Variants in AMN observed in about 807,000 individuals in gnomAD.
The protein encoded by AMN is protein amnionless.
AMN carries 40 observed loss-of-function variants against 49.1 expected under a neutral mutation model. That is an observed-to-expected ratio of 0.81 (90% CI 0.63 to 1.06). The LOEUF (loss-of-function observed/expected upper bound fraction) is 1.06. AMN is among the 50% of genes least tolerant of loss of function. The pLI is 0.00. For missense variants in AMN, 701 were observed against 662.8 expected (o/e 1.06, Z -0.63); for synonymous variants, 380 against 313.3 (o/e 1.21, Z -2.25).
At chr14:102,924,222 C>T (rs1891136752) in intron 3 of AMN, among the ~76,000 whole-genome samples, 1 of 151,676 alleles carries the variant, frequency 6.6e-6, no homozygotes, top group Non-Finnish European at 1.5e-5. Context: ...CCCCACAGCC[C>T]TTGTGATGCC....
In AMN at chr14:102,923,714, T is replaced by A. The variant is rs754501107; in HGVS notation, c.47T>A (p.Leu16Gln). ...RVLLWLQLCALTQAVSKLWVP... is the reference protein window; with the variant it reads ...RVLLWLQLCAQTQAVSKLWVP... ...CACTCAGTCGCCTCCTCCCCAGCAC[T>A]GACCCAGGCGGTCTCCAAACTCTGG... is the stretch of plus-strand genomic sequence containing the variant. Residue 16 changes from leucine to glutamine, a missense_variant, in exon 2 of 12, where the codon CTG (leucine) becomes CAG (glutamine). Coordinates refer to ENST00000299155, the MANE Select transcript of AMN (RefSeq NM_030943.4). The A allele has an allele frequency of 1.2e-6, 2 of 1,612,496 alleles. No individual in the cohort carries two copies. Among genetic ancestry groups the A allele is most frequent in the Non-Finnish European group, 1.7e-6 (2 of 1,179,598 alleles).
intron 3 of AMN, among the ~76,000 whole-genome samples, chr14:102,926,029 G>A (rs1260583887): frequency 6.6e-6 from 1 of 152,140 alleles, no homozygotes; most frequent in Non-Finnish European, 1.5e-5. Flanking sequence ...CCTTTTGCCT[G>A]CTTTCTTGTT....
chr14:102,923,910 CG>C, intron 2 of AMN, 24 bp from the exon 3 acceptor site: 1 of 1,613,018 alleles, frequency 6.2e-7, no homozygotes. Context: ...GCTCCCGGCT[CG>C]GCTGAGGCAG....
chr14:102,923,932 CAGATGGTGT>C lies in AMN; in HGVS notation c.163-2_169del. ...GCTCGGCTGAGGCAGCTTCTTCCTG[CAGATGGTGT>C]CAGTCCTGGTGCAAGAAGGTCACGC... On this transcript the variant is annotated splice_acceptor_variant and coding_sequence_variant, in exon 3 of 12. Coordinates refer to ENST00000299155, the MANE Select transcript of AMN (RefSeq NM_030943.4). LOFTEE classifies it high-confidence loss of function. 1 of 1,613,184 alleles carries C rather than the reference CAGATGGTGT, an allele frequency of 6.2e-7. No individual in the cohort carries two copies. The highest frequency in any genetic ancestry group is 8.5e-7 in the Non-Finnish European group (1 of 1,180,024).
intron 11 of AMN, 33 bp from the exon 12 acceptor site, chr14:102,930,543 C>T: frequency 3.2e-6 from 5 of 1,547,954 alleles, no homozygotes; most frequent in Non-Finnish European, 4.4e-6. Context: ...CGGGACTCGG[C>T]GCCGACCGCC....
chr14:102,928,861 G>C lies in AMN; in HGVS notation c.399G>C (p.Glu133Asp). The change falls in exon 5 of 12, where the codon GAG (glutamate) becomes GAC (aspartate). Residue 133 changes from glutamate to aspartate, a missense_variant. Physicochemically the swap from Glu to Asp is conservative, Grantham distance 45. Coordinates refer to ENST00000299155, the MANE Select transcript of AMN (RefSeq NM_030943.4). ...EAPGLFFVDAERVPCRHDDVF... is the reference protein window; with the variant it reads ...EAPGLFFVDADRVPCRHDDVF... ...CTGGCCTCTTCTTCGTGGACGCCGAGCGCGTGCCCTGCCGCCACGACGACG... is the reference window on the plus strand; with the variant it reads ...CTGGCCTCTTCTTCGTGGACGCCGACCGCGTGCCCTGCCGCCACGACGACG... 1 of 1,604,626 alleles carries C rather than the reference G, an allele frequency of 6.2e-7. No homozygotes were observed. Among genetic ancestry groups the C allele is most frequent in the Non-Finnish European group, 8.5e-7 (1 of 1,179,788 alleles).
intron 1 of AMN, chr14:102,923,207 C>T (rs964274461): frequency 2.0e-5 from 5 of 251,108 alleles, no homozygotes; most frequent in African/African-American, 6.9e-5. Context: ...CAACCCCACC[C>T]ACCACATTCA....
chr14:102,922,784 C>T (rs1891086051), intron 1 of AMN, 53 bp downstream of exon 1: 4 of 1,548,550 alleles, frequency 2.6e-6, no homozygotes, highest in African/African-American at 1.4e-5. Context: ...CTGTCAGGAC[C>T]CAGGGCCGAG....
chr14:102,930,442 G>T lies in AMN; in HGVS notation c.1206G>T (p.Ala402=). 6.6e-7 allele frequency: 1 copy of T among 1,523,992 alleles called. No homozygotes were observed. The highest frequency in any genetic ancestry group is 2.5e-5 in the East Asian group (1 of 39,748). The allele number at this position is 1,523,992 out of a possible 1,614,324, so 94.4% of individuals were successfully genotyped here. A position where few individuals can be genotyped will look rare whatever the true frequency, so the allele number is the denominator to read the frequency against. ...ACGAGGCGGCGGCCCCGGCTGGAGCGCCCCTCGGCTTCCGCAACCCGGTGT... is the reference window on the plus strand; with the variant it reads ...ACGAGGCGGCGGCCCCGGCTGGAGCTCCCCTCGGCTTCCGCAACCCGGTGT... ...RRHEAAAPAG[A]PLGFRNPVFD... is the part of the protein sequence containing the mutation. Residue 402 remains alanine (A), a synonymous_variant, in exon 11 of 12, where the codon GCG becomes GCT. Coordinates refer to ENST00000299155, the MANE Select transcript of AMN (RefSeq NM_030943.4).
intron 3 of AMN, among the ~76,000 whole-genome samples, chr14:102,924,551 C>G (rs1175743318): frequency 1.3e-5 from 2 of 152,178 alleles, no homozygotes; most frequent in African/African-American, 4.8e-5. Flanking sequence ...ACAGCTTAAT[C>G]CTGAAACCTT....
chr14:102,925,352 G>A (rs1261467060), intron 3 of AMN, among the ~76,000 whole-genome samples: 1 of 152,202 alleles, frequency 6.6e-6, no homozygotes, highest in Non-Finnish European at 1.5e-5. Context: ...CCCCAGGGCC[G>A]CTTGGTTCCT....
At chr14:102,922,839 G>A in intron 1 of AMN, 108 bp downstream of exon 1, 1 of 1,453,406 alleles carries the variant, frequency 6.9e-7, no homozygotes. Context: ...GGAGTGGGCA[G>A]GGAGGGCTTT....
intron 3 of AMN, among the ~76,000 whole-genome samples, chr14:102,928,147 C>T (rs1470784631): frequency 6.6e-6 from 1 of 152,266 alleles, no homozygotes; most frequent in African/African-American, 2.4e-5. Flanking sequence ...TCTCGCTCCC[C>T]GGCTCCGGCT....
chr14:102,930,628 G>A lies in AMN; in HGVS notation c.1310G>A (p.Ser437Asn), dbSNP rs1190667294. 6 of 1,601,038 alleles carry A rather than the reference G, an allele frequency of 3.7e-6. No individual in the cohort carries two copies. Among genetic ancestry groups the A allele is most frequent in the Admixed American group, 1.7e-5 (1 of 58,820 alleles). The change falls in exon 12 of 12, where the codon AGC (serine) becomes AAC (asparagine). Residue 437 changes from serine to asparagine, a missense_variant. By Grantham distance (46) the Ser-to-Asn change is conservative. Transcript: ENST00000299155. ...CCGAAGGCGGCCGCAGACAGCACCA[G>A]CCACAGTTACTTCGTCAACCCTCTG... ...LVPKAAADST[S>N]HSYFVNPLFA... is the part of the protein sequence containing the mutation.
In AMN at chr14:102,928,749, C is replaced by T. The variant is rs373204347; in HGVS notation, c.296-9C>T. 1.2e-3 allele frequency: 1,951 copies of T among 1,605,570 alleles called. 30 individuals are homozygous for T. In the South Asian group the frequency reaches 0.015, roughly 13 times the overall value. On this transcript the variant is annotated splice_polypyrimidine_tract_variant and intron_variant, in intron 4 of 11. Transcript: ENST00000299155. ...GTTCCGTGGAGCTCAGGGATGTGCT[C>T]CGGCTCAGGCGAACCTGCCGTCTTC... is the stretch of plus-strand genomic sequence containing the variant.
At chr14:102,923,143 C>T in intron 1 of AMN, 1 of 238,952 alleles carries the variant, frequency 4.2e-6, no homozygotes. Flanking sequence ...TCACACCAGG[C>T]CGGCGCGTGT....
intron 8 of AMN, 81 bp downstream of exon 8, chr14:102,929,818 T>C: frequency 1.3e-6 from 2 of 1,541,242 alleles, no homozygotes; most frequent in East Asian, 2.5e-5. Context: ...TTCTGCAGGG[T>C]CCCTGCGGCT....
At chr14:102,924,023 G>A in intron 3 of AMN, 44 bp downstream of exon 3, 1 of 1,612,988 alleles carries the variant, frequency 6.2e-7, no homozygotes, top group Non-Finnish European at 8.5e-7. Flanking sequence ...GGTTCACAGA[G>A]TCTCTGAAGC....
intron 2 of AMN, 42 bp from the exon 3 acceptor site, chr14:102,923,893 G>T (rs1221518398): frequency 6.2e-7 from 1 of 1,612,908 alleles, no homozygotes; most frequent in East Asian, 2.2e-5. Flanking sequence ...TGGCCCCGGT[G>T]GGGGTTGCTC....
Sources: gnomAD v4.1 joint callset for allele counts (sites outside exome capture counted in the v4.1 genomes callset) on GRCh38, gnomAD v4.1.1 for gene constraint, MANE v1.5 for transcripts, NCBI Gene and HGNC (gene_info 2026-07-23, HGNC 2026-07-21) for gene names.